The following TMEM170A variants were observed in gnomAD, a reference collection of about 807,000 sequenced individuals.
TMEM170A encodes the protein transmembrane protein 170.
Under a neutral mutation model 12.8 loss-of-function variants are expected in TMEM170A, and 18 were observed. The ratio of observed to expected loss-of-function variants is 1.41; its 90% CI spans 0.97 to 2.09. The LOEUF is 2.09. TMEM170A is among the 30% of genes most tolerant of loss of function. The pLI is 0.00. For missense variants in TMEM170A, 220 were observed against 179.9 expected, an observed-to-expected ratio of 1.22 and a Z score of -1.28; for synonymous variants, 107 against 76.2, an observed-to-expected ratio of 1.40 and a Z score of -2.11.
chr16:75,449,754 T>C (rs1259478267), intron 2 of TMEM170A, among the ~76,000 whole-genome samples: 2 of 152,218 alleles, frequency 1.3e-5, no homozygotes, highest in East Asian at 3.8e-4. Context: ...TACATTTTGT[T>C]ACTAACATCT....
intron 2 of TMEM170A, among the ~76,000 whole-genome samples, chr16:75,450,382 G>C (rs1286238400): frequency 1.3e-5 from 2 of 151,974 alleles, no homozygotes; most frequent in Non-Finnish European, 2.9e-5. Context: ...ATTATTTAGG[G>C]ATGAGAAAAT....
Position 75,446,979 on chromosome 16 carries a change from A to T in TMEM170A, c.*579T>A, listed in dbSNP as rs569166712. 2.6e-5 allele frequency: 4 copies of T among 152,224 alleles called. No individual in the cohort carries two copies. The highest frequency in any genetic ancestry group is 5.9e-5 in the Non-Finnish European group (4 of 68,034). The allele number at this position is 152,224 out of a possible 1,614,324, so 9.4% of individuals were successfully genotyped here. On this transcript the variant is annotated 3_prime_UTR_variant, in exon 3 of 3. Transcript: ENST00000561878. ...TCATTGTTATCTACTTTTTATTTATAAACAGTGGAACCAAAGCCACTACTT... is the reference window on the plus strand; with the variant it reads ...TCATTGTTATCTACTTTTTATTTATTAACAGTGGAACCAAAGCCACTACTT...
At chr16:75,454,451 T>C (rs2079748230) in intron 1 of TMEM170A, among the ~76,000 whole-genome samples, 1 of 108,306 alleles carries the variant, frequency 9.2e-6, no homozygotes, top group South Asian at 3.3e-4. Context: ...ACCCTGTCTC[T>C]CTAAAAATAC....
At chr16:75,452,764 T>C (rs1196958304) in intron 1 of TMEM170A, 1 of 152,212 alleles carries the variant, frequency 6.6e-6, no homozygotes, top group East Asian at 1.9e-4. Context: ...ACTTGCAAAG[T>C]AGGGTTCATC....
At chr16:75,450,396 G>A (rs539649020) in intron 2 of TMEM170A, among the ~76,000 whole-genome samples, 2 of 151,964 alleles carry the variant, frequency 1.3e-5, no homozygotes, top group African/African-American at 4.8e-5. Flanking sequence ...AGAAAATGGA[G>A]GATTTTACAT....
At chr16:75,464,207 G>A (rs968352009) in intron 1 of TMEM170A, 28 of 1,506,174 alleles carry the variant, frequency 1.9e-5, no homozygotes, top group Non-Finnish European at 2.4e-5. Flanking sequence ...GGTGGCGGCC[G>A]AGCGCCCTCC....
chr16:75,453,347 T>C (rs995213904), intron 1 of TMEM170A, among the ~76,000 whole-genome samples: 2 of 152,114 alleles, frequency 1.3e-5, no homozygotes, highest in African/African-American at 2.4e-5. Flanking sequence ...GGTGGGAGGA[T>C]TGCTTGAGCC....
chr16:75,447,787 C>A, intron 2 of TMEM170A, 99 bp from the exon 3 acceptor site: 1 of 1,317,022 alleles, frequency 7.6e-7, no homozygotes, highest in Non-Finnish European at 1.0e-6. Context: ...GTAGAATGTT[C>A]CAGATTTTAT....
chr16:75,449,462 A>G (rs1173344174), intron 2 of TMEM170A, among the ~76,000 whole-genome samples: 1 of 151,906 alleles, frequency 6.6e-6, no homozygotes, highest in African/African-American at 2.4e-5. Flanking sequence ...CTACAGGCAC[A>G]CGCCACCACA....
intron 1 of TMEM170A, among the ~76,000 whole-genome samples, chr16:75,462,061 C>T (rs990495723): frequency 6.6e-6 from 1 of 152,074 alleles, no homozygotes; most frequent in Non-Finnish European, 1.5e-5. Flanking sequence ...ATGCAGGAAC[C>T]CTTACAGTAG....
chr16:75,461,569 A>C (rs1327296085), intron 1 of TMEM170A, among the ~76,000 whole-genome samples: 1 of 152,238 alleles, frequency 6.6e-6, no homozygotes, highest in East Asian at 1.9e-4. Context: ...AGGACAATGA[A>C]TGCAACTCCT....
intron 1 of TMEM170A, among the ~76,000 whole-genome samples, chr16:75,454,483 A>C (rs945926982): frequency 9.3e-6 from 1 of 107,970 alleles, no homozygotes; most frequent in African/African-American, 3.5e-5. Flanking sequence ...CACACACACA[A>C]AATTAGCCGG....
At chr16:75,462,366 C>T (rs1280233920) in intron 1 of TMEM170A, among the ~76,000 whole-genome samples, 1 of 152,176 alleles carries the variant, frequency 6.6e-6, no homozygotes, top group Non-Finnish European at 1.5e-5. Flanking sequence ...ATTACAGGCA[C>T]ACACCACTAC....
Position 75,451,705 on chromosome 16 carries a change from C to T in TMEM170A, c.268G>A (p.Gly90Ser), listed in dbSNP as rs1039227062. 27 of 1,614,154 alleles carry T rather than the reference C, an allele frequency of 1.7e-5. No individual in the cohort carries two copies. The highest frequency in any genetic ancestry group is 3.3e-4 in the Middle Eastern group (2 of 6,062). The change falls in exon 2 of 3, where the codon GGC becomes AGC. Residue 90 changes from glycine (G) to serine (S), a missense_variant. By Grantham distance (56) the Gly-to-Ser change is moderately conservative (BLOSUM62 0). Coordinates refer to ENST00000561878, the MANE Select transcript of TMEM170A (RefSeq NM_145254.3). ...CCAGCAGTAATTGGTCCCACGATGC[C>T]CATCAACAGGATGCTTACAGACATG... Reference protein sequence around the residue: ...RFMSVSILLMGIVGPITAGIL... With the variant: ...RFMSVSILLMSIVGPITAGIL...
intron 1 of TMEM170A, chr16:75,452,669 G>A (rs570081405): frequency 6.6e-6 from 1 of 152,114 alleles, no homozygotes; most frequent in South Asian, 2.1e-4. Context: ...TGAATGCCTC[G>A]GCTCAAACAA....
intron 1 of TMEM170A, among the ~76,000 whole-genome samples, chr16:75,455,089 G>T (rs1340274145): frequency 6.6e-6 from 1 of 152,188 alleles, no homozygotes; most frequent in Non-Finnish European, 1.5e-5. Context: ...TGGGCACAGT[G>T]GCTCACGCCT....
Position 75,443,778 on chromosome 16 carries a change from C to T in TMEM170A, c.*3780G>A, listed in dbSNP as rs1247680339. 6.6e-6 allele frequency: 1 copy of T among 152,186 alleles called. No homozygotes were observed. The highest frequency in any genetic ancestry group is 2.1e-4 in the South Asian group (1 of 4,816). The allele number at this position is 152,186 out of a possible 1,614,324, so 9.4% of individuals were successfully genotyped here. A position where few individuals can be genotyped will look rare whatever the true frequency, so the allele number is the denominator to read the frequency against. On this transcript the variant is annotated 3_prime_UTR_variant, in exon 3 of 3. Coordinates refer to ENST00000561878, the MANE Select transcript of TMEM170A (RefSeq NM_145254.3). Reference sequence around the variant, plus strand: ...TTAAGTTTTCATGAAATGCTTTCACCTCAAAACCCCGTATTCAAGAATCAA... The same window carrying T: ...TTAAGTTTTCATGAAATGCTTTCACTTCAAAACCCCGTATTCAAGAATCAA...
rs1462125535 is a variant in TMEM170A, at chr16:75,451,686, G to C, written c.287C>G (p.Thr96Ser). The C allele has an allele frequency of 6.2e-7, 1 of 1,614,076 alleles. No homozygotes were observed. The highest frequency in any genetic ancestry group is 1.3e-5 in the African/African-American group (1 of 74,918). ...ILLMGIVGPITAGILTSAAIA... is the reference protein window; with the variant it reads ...ILLMGIVGPISAGILTSAAIA... ...TAACATACTTGTCAAGATTCCAGCA[G>C]TAATTGGTCCCACGATGCCCATCAA... Residue 96 changes from threonine (T) to serine (S), a missense_variant, in exon 2 of 3, where the codon ACT becomes AGT. Coordinates refer to ENST00000561878, the MANE Select transcript of TMEM170A (RefSeq NM_145254.3).
chr16:75,450,444 C>T (rs986962513), intron 2 of TMEM170A, among the ~76,000 whole-genome samples: 1 of 152,008 alleles, frequency 6.6e-6, no homozygotes, highest in South Asian at 2.1e-4. Context: ...ATAAAATACA[C>T]ATTTATATTT....
Sources: gnomAD v4.1 joint callset for allele counts (sites outside exome capture counted in the v4.1 genomes callset) on GRCh38, gnomAD v4.1.1 for gene constraint, MANE v1.5 for transcripts, NCBI Gene and HGNC (gene_info 2026-07-23, HGNC 2026-07-21) for gene names.